Variants in PACRG observed in about 807,000 individuals in gnomAD.
PACRG encodes the protein parkin coregulated gene protein.
In PACRG, 29 loss-of-function variants were observed where a neutral mutation model predicts 29.7. That is an observed-to-expected ratio of 0.98 (90% CI 0.73 to 1.33). The LOEUF (loss-of-function observed/expected upper bound fraction) is 1.33. Among genes scored for constraint, PACRG ranks in the 40% most tolerant of loss-of-function variants. The pLI is 0.00. For synonymous variants in PACRG, 116 were observed against 118.7 expected (o/e 0.98, Z 0.15); for missense variants, 279 against 316.2 (o/e 0.88, Z 0.89).
At chr6:162,768,642 A>G (rs944262851) in intron 1 of PACRG, among the ~76,000 whole-genome samples, 1 of 152,080 alleles carries the variant, frequency 6.6e-6, no homozygotes, top group Non-Finnish European at 1.5e-5. Flanking sequence ...TATATTTTCT[A>G]TATTATGGAT....
chr6:162,981,305 A>ATATATATATATTTTTTTTTTT lies in PACRG; in HGVS notation c.292-80844_292-80843insATATATATATTTTTTTTTTTT, dbSNP rs925663285. ...ATGTATAAAACATATATATATATAT[A>ATATATATATATTTTTTTTTTT]TTTACAATGGCAAAAATATAGAACC... On this transcript the variant is annotated intron_variant, in intron 2 of 4. Transcript: ENST00000366888. Among the ~76,000 whole-genome samples, 21 of 149,160 alleles carry ATATATATATATTTTTTTTTTT rather than the reference A, an allele frequency of 1.4e-4. 1 individual carries two copies. The highest frequency in any genetic ancestry group is 4.0e-4 in the African/African-American group (16 of 40,356).
intron 2 of PACRG, among the ~76,000 whole-genome samples, chr6:162,874,423 C>T (rs1793114890): frequency 6.6e-6 from 1 of 152,088 alleles, no homozygotes; most frequent in Admixed American, 6.5e-5. Flanking sequence ...CATCTTCCTT[C>T]TTAGAGTGAT....
intron 4 of PACRG, among the ~76,000 whole-genome samples, chr6:163,219,601 G>C (rs1005243353): frequency 1.3e-5 from 2 of 151,854 alleles, no homozygotes; most frequent in African/African-American, 4.8e-5. Context: ...TCCCCACTGC[G>C]GCCTGCAGTC....
chr6:162,928,967 A>G (rs1797650953), intron 2 of PACRG, among the ~76,000 whole-genome samples: 2 of 152,072 alleles, frequency 1.3e-5, no homozygotes, highest in South Asian at 2.1e-4. Context: ...TTTATGCTGA[A>G]TAATACTCCA....
intron 3 of PACRG, among the ~76,000 whole-genome samples, chr6:163,074,650 C>T (rs374354773): frequency 6.6e-6 from 1 of 151,018 alleles, no homozygotes; most frequent in Non-Finnish European, 1.5e-5. Context: ...ATGCCTGTAA[C>T]AAAATACATA....
chr6:162,947,609 A>AT (rs1562767218), intron 2 of PACRG, among the ~76,000 whole-genome samples: 1 of 32,622 alleles, frequency 3.1e-5, no homozygotes, highest in Non-Finnish European at 6.9e-5. Flanking sequence ...TATATATATA[A>AT]TCATATATAT....
intron 4 of PACRG, chr6:163,112,123 G>C: frequency 1.3e-6 from 1 of 779,954 alleles, no homozygotes; most frequent in Non-Finnish European, 1.6e-6. Flanking sequence ...AAAAGCACCA[G>C]GCATCTGCCT....
rs751389410 is a variant in PACRG at position 163,315,035 on chromosome 6, T to C, written c.*48T>C. 1.3e-6 allele frequency: 2 copies of C among 1,576,522 alleles called. No individual in the cohort carries two copies. Among genetic ancestry groups the C allele is most frequent in the South Asian group, 2.3e-5 (2 of 86,952 alleles). On this transcript the variant is annotated 3_prime_UTR_variant, in exon 5 of 5. Transcript: ENST00000366888. The stretch of plus-strand genomic sequence containing the variant: ...AAACCTCCCGTTGGTGTTGGGATCA[T>C]CTGTCTCTGTTGCTTTTAGCATCTC...
chr6:162,923,204 GC>G (rs1797191311), intron 2 of PACRG, among the ~76,000 whole-genome samples: 1 of 152,028 alleles, frequency 6.6e-6, no homozygotes, highest in Non-Finnish European at 1.5e-5. Flanking sequence ...CAGATCCTTT[GC>G]CCATTCTAAA....
intron 2 of PACRG, among the ~76,000 whole-genome samples, chr6:163,049,637 T>C (rs1181243086): frequency 6.6e-6 from 1 of 151,896 alleles, no homozygotes; most frequent in Non-Finnish European, 1.5e-5. Context: ...TGGCAAAAGA[T>C]AAGAAAATAC....
intron 2 of PACRG, among the ~76,000 whole-genome samples, chr6:162,922,958 T>C (rs1222745315): frequency 1.3e-5 from 2 of 152,228 alleles, no homozygotes; most frequent in Admixed American, 6.5e-5. Context: ...GGTGATTCTA[T>C]TTTTAGTTTT....
At chr6:163,026,806 A>G (rs1807175814) in intron 2 of PACRG, among the ~76,000 whole-genome samples, 2 of 152,230 alleles carry the variant, frequency 1.3e-5, no homozygotes, top group South Asian at 4.1e-4. Flanking sequence ...AACTTCAGAA[A>G]AGGGCCATGT....
chr6:162,923,811 G>T (rs1264952119), intron 2 of PACRG, among the ~76,000 whole-genome samples: 1 of 151,404 alleles, frequency 6.6e-6, no homozygotes. Context: ...CAGCTTTATG[G>T]TTTTGTTTTT....
intron 2 of PACRG, among the ~76,000 whole-genome samples, chr6:163,037,831 T>C (rs1226961983): frequency 1.3e-5 from 2 of 152,330 alleles, no homozygotes; most frequent in East Asian, 3.9e-4. Context: ...CTCTCCTGCC[T>C]CTGCTGCCCC....
At chr6:163,132,669 A>G (rs1000066464) in intron 4 of PACRG, among the ~76,000 whole-genome samples, 5 of 152,162 alleles carry the variant, frequency 3.3e-5, no homozygotes, top group African/African-American at 1.2e-4. Flanking sequence ...CCACTTCTGT[A>G]CCTCCTCAGT....
At chr6:162,950,475 T>G (rs952033663) in intron 2 of PACRG, among the ~76,000 whole-genome samples, 15 of 151,994 alleles carry the variant, frequency 9.9e-5, no homozygotes, top group Non-Finnish European at 1.8e-4. Flanking sequence ...GCCACTGCAC[T>G]CCAGCCTGGG....
At chr6:163,238,580 C>G (rs1161094765) in intron 4 of PACRG, among the ~76,000 whole-genome samples, 2 of 152,204 alleles carry the variant, frequency 1.3e-5, no homozygotes, top group Admixed American at 1.3e-4. Flanking sequence ...TGTCAAAGAT[C>G]TGAAGAAGTC....
At chr6:162,736,383 G>T (rs1193610162) in intron 1 of PACRG, among the ~76,000 whole-genome samples, 2 of 152,170 alleles carry the variant, frequency 1.3e-5, no homozygotes, top group Admixed American at 6.5e-5. Flanking sequence ...TCACAGAAAT[G>T]TGTAGATTGT....
chr6:163,026,168 A>G (rs925732071), intron 2 of PACRG, among the ~76,000 whole-genome samples: 1 of 152,184 alleles, frequency 6.6e-6, no homozygotes, highest in East Asian at 1.9e-4. Context: ...TAAGAAATCA[A>G]TTTGATAAAA....
Sources: allele counts gnomAD v4.1 joint callset (sites outside exome capture counted in the v4.1 genomes callset), GRCh38; gene constraint gnomAD v4.1.1; transcripts MANE v1.5; gene names NCBI Gene and HGNC (gene_info 2026-07-23, HGNC 2026-07-21).